ACAP2: variants seen among roughly 807,000 people sequenced by gnomAD.
ACAP2 encodes arf-GAP with coiled-coil, ANK repeat and PH domain-containing protein 2.
In ACAP2, 39 loss-of-function variants were observed where a neutral mutation model predicts 115.8. The observed-to-expected ratio is 0.34, with a 90% confidence interval of 0.26 to 0.44. The LOEUF is 0.44. ACAP2 is among the 20% of genes least tolerant of loss of function. The pLI is 1.00. For synonymous variants in ACAP2, 289 were observed against 315.8 expected (o/e 0.92, Z 0.90); for missense variants, 662 against 927.6 (o/e 0.71, Z 3.72).
At chr3:195,416,627 G>A (rs1337821649) in intron 1 of ACAP2, among the ~76,000 whole-genome samples, 1 of 152,106 alleles carries the variant, frequency 6.6e-6, no homozygotes, top group Non-Finnish European at 1.5e-5. Context: ...TTAACACTAT[G>A]AACACAGTGT....
intron 4 of ACAP2, among the ~76,000 whole-genome samples, chr3:195,371,298 G>A (rs1054784980): frequency 6.6e-6 from 1 of 152,030 alleles, no homozygotes; most frequent in East Asian, 1.9e-4. Flanking sequence ...GTATTCCTAG[G>A]TATTTTATTC....
At chr3:195,425,694 CA>C (rs964983605) in intron 1 of ACAP2, among the ~76,000 whole-genome samples, 8 of 151,432 alleles carry the variant, frequency 5.3e-5, no homozygotes, top group Admixed American at 2.0e-4. Context: ...GACTTTTTTC[CA>C]AAAAAAACCT....
At chr3:195,373,010 A>AAAAAAAAAAAAAAAAAC in intron 4 of ACAP2, among the ~76,000 whole-genome samples, 1 of 149,170 alleles carries the variant, frequency 6.7e-6, no homozygotes, top group Non-Finnish European at 1.5e-5. Flanking sequence ...AAAAAAAAAA[A>AAAAAAAAAAAAAAAAAC]AAGCCTAATG....
chr3:195,360,283 G>A (rs1486129163), intron 4 of ACAP2, among the ~76,000 whole-genome samples: 1 of 151,986 alleles, frequency 6.6e-6, no homozygotes, highest in Non-Finnish European at 1.5e-5. Context: ...GACAAAGAAG[G>A]TCATTATAAT....
intron 6 of ACAP2, among the ~76,000 whole-genome samples, chr3:195,339,437 T>A (rs1730728510): frequency 6.6e-6 from 1 of 150,856 alleles, no homozygotes; most frequent in Non-Finnish European, 1.5e-5. Flanking sequence ...CTATATAAAA[T>A]TTTTAAATTT....
intron 4 of ACAP2, among the ~76,000 whole-genome samples, chr3:195,368,576 CAT>C (rs1243897693): frequency 6.6e-6 from 1 of 152,166 alleles, no homozygotes; most frequent in African/African-American, 2.4e-5. Context: ...TGTTATTTTT[CAT>C]ATTTTTCCTA....
intron 8 of ACAP2, among the ~76,000 whole-genome samples, chr3:195,328,818 G>A (rs906614190): frequency 6.6e-6 from 1 of 152,196 alleles, no homozygotes; most frequent in Non-Finnish European, 1.5e-5. Flanking sequence ...GGCGGCTCAC[G>A]CCTGTAATCC....
intron 10 of ACAP2, among the ~76,000 whole-genome samples, chr3:195,313,790 CTATT>C (rs1362435411): frequency 5.9e-5 from 9 of 152,068 alleles, no homozygotes; most frequent in Non-Finnish European, 1.0e-4. Context: ...ATGTTAGTAT[CTATT>C]TATTTTCCTT....
chr3:195,341,536 G>A (rs1414442112), intron 6 of ACAP2, among the ~76,000 whole-genome samples: 1 of 151,956 alleles, frequency 6.6e-6, no homozygotes, highest in African/African-American at 2.4e-5. Context: ...GTGTTAGCCA[G>A]GATGGTCTCA....
At chr3:195,280,684 CTGAA>C (rs1251308035) in intron 22 of ACAP2, 11 of 151,932 alleles carry the variant, frequency 7.2e-5, no homozygotes, top group Admixed American at 6.6e-4. Context: ...TTATAGCTGA[CTGAA>C]TACCATTTTT....
At chr3:195,426,998 C>T (rs1389437) in intron 1 of ACAP2, among the ~76,000 whole-genome samples, 3,839 of 151,332 alleles carry the variant, frequency 0.025, 145 homozygotes, top group African/African-American at 0.084. Flanking sequence ...TTAGGTTACA[C>T]GGCAAAGGGA....
At chr3:195,359,886 A>G (rs1732236598) in intron 4 of ACAP2, among the ~76,000 whole-genome samples, 1 of 152,240 alleles carries the variant, frequency 6.6e-6, no homozygotes, top group Non-Finnish European at 1.5e-5. Context: ...ACAAACATAT[A>G]ATAAATAAGC....
At chr3:195,435,364 G>A (rs903737734) in intron 1 of ACAP2, among the ~76,000 whole-genome samples, 4 of 151,796 alleles carry the variant, frequency 2.6e-5, no homozygotes, top group African/African-American at 4.8e-5. Flanking sequence ...TAGTAGAGAC[G>A]GGGTTTCACC....
chr3:195,300,044 C>CTTTTTTTTTTTTTTTTTTTTTTT (rs765234326), intron 15 of ACAP2, among the ~76,000 whole-genome samples: 8 of 34,354 alleles, frequency 2.3e-4, no homozygotes, highest in Non-Finnish European at 2.8e-4. Context: ...CTTTTTTTTT[C>CTTTTTTTTTTTTTTTTTTTTTTT]TTTTTTTTTT....
intron 7 of ACAP2, 37 bp from the exon 8 acceptor site, chr3:195,333,160 T>C (rs1730287128): frequency 1.8e-6 from 2 of 1,129,336 alleles, no homozygotes; most frequent in Admixed American, 2.0e-5. Context: ...TTAAAATCTA[T>C]TCCTAGATAG....
At chr3:195,310,954 T>C (rs537323356) in intron 10 of ACAP2, among the ~76,000 whole-genome samples, 1 of 152,056 alleles carries the variant, frequency 6.6e-6, no homozygotes, top group Non-Finnish European at 1.5e-5. Context: ...ACACTATCAC[T>C]CCTCCATTGC....
intron 4 of ACAP2, among the ~76,000 whole-genome samples, chr3:195,378,599 G>A (rs532877878): frequency 2.0e-5 from 3 of 151,984 alleles, no homozygotes; most frequent in Non-Finnish European, 2.9e-5. Flanking sequence ...GGTGGCTCAC[G>A]CCTGTAATCC....
intron 1 of ACAP2, among the ~76,000 whole-genome samples, chr3:195,436,696 T>C (rs900764985): frequency 6.6e-6 from 1 of 152,072 alleles, no homozygotes; most frequent in Admixed American, 6.5e-5. Context: ...TCTTCTGAAA[T>C]TGAAGAAAAA....
chr3:195,342,500 G>A lies in ACAP2; in HGVS notation c.499C>T (p.Arg167Ter), dbSNP rs897760774. 5 of 1,610,056 alleles carry A rather than the reference G, an allele frequency of 3.1e-6. No individual in the cohort carries two copies. Among genetic ancestry groups the A allele is most frequent in the South Asian group, 1.1e-5 (1 of 89,840 alleles). ...AGCACATAATCGAGGGCTATGTGTC[G>A]GAAACATTTTCTTGTTGCTGTCAGA... The part of the protein sequence containing the change: ...NILTATRKCF[R>*]HIALDYVLQI... Residue 167 changes from arginine (R) to a stop codon, truncating the protein, a stop_gained, in exon 6 of 23, where the codon CGA (arginine) becomes TGA (stop). Transcript: ENST00000326793. LOFTEE classifies it high-confidence loss of function.
Sources: gnomAD v4.1 joint callset for allele counts (sites outside exome capture counted in the v4.1 genomes callset) on GRCh38, gnomAD v4.1.1 for gene constraint, MANE v1.5 for transcripts, NCBI Gene and HGNC (gene_info 2026-07-23, HGNC 2026-07-21) for gene names.